The following CEP112 variants were observed in gnomAD, a reference collection of about 807,000 sequenced individuals.
CEP112 encodes the protein centrosomal protein of 112 kDa.
CEP112 carries 127 observed loss-of-function variants against 153.0 expected under a neutral mutation model. The ratio of observed to expected loss-of-function variants is 0.83; its 90% CI spans 0.72 to 0.96. The LOEUF (loss-of-function observed/expected upper bound fraction) is 0.96, where lower values mean the gene tolerates loss of function less well. Among genes scored for constraint, CEP112 ranks in the 40% least tolerant of loss-of-function variants. The pLI is 0.00. For synonymous variants in CEP112, 358 were observed against 374.4 expected, an observed-to-expected ratio of 0.96 and a Z score of 0.51; for missense variants, 1,089 against 1,101.2, an observed-to-expected ratio of 0.99 and a Z score of 0.16.
chr17:65,982,028 A>G (rs1463989405), intron 17 of CEP112, among the ~76,000 whole-genome samples: 1 of 152,020 alleles, frequency 6.6e-6, no homozygotes, highest in Non-Finnish European at 1.5e-5. Context: ...GTATAAGATA[A>G]TGGTGTTTTT....
chr17:65,777,929 T>A (rs1032426765), intron 21 of CEP112, among the ~76,000 whole-genome samples: 1 of 152,184 alleles, frequency 6.6e-6, no homozygotes, highest in African/African-American at 2.4e-5. Flanking sequence ...CTTCAGTTCA[T>A]TGGTCCATCA....
chr17:66,149,367 T>C (rs1269042484), intron 4 of CEP112, among the ~76,000 whole-genome samples: 1 of 152,230 alleles, frequency 6.6e-6, no homozygotes, highest in Non-Finnish European at 1.5e-5. Flanking sequence ...TTTAGAAGTG[T>C]TTCCTCTTCA....
At chr17:66,078,414 C>T (rs535735755) in intron 8 of CEP112, among the ~76,000 whole-genome samples, 56 of 151,824 alleles carry the variant, frequency 3.7e-4, no homozygotes, top group Admixed American at 1.2e-3. Context: ...TGCGCCACCA[C>T]GCCCGGCTAA....
chr17:65,746,987 T>C (rs913039699), intron 22 of CEP112, among the ~76,000 whole-genome samples: 3 of 151,774 alleles, frequency 2.0e-5, no homozygotes, highest in Non-Finnish European at 4.4e-5. Context: ...GGTGTAAGCA[T>C]CCGAACTCAT....
Position 65,776,407 on chromosome 17 carries a change from TGTATTTTTA to T in CEP112, c.2395-25692_2395-25684del, listed in dbSNP as rs1255542625. On this transcript the variant is annotated intron_variant, in intron 21 of 26. Coordinates refer to ENST00000535342, the MANE Select transcript of CEP112 (RefSeq NM_001199165.4). ...CTGCCACCACGCTCAGCTAATTTTT[TGTATTTTTA>T]GTAGAGATGGATGTTAGCCCGGATG... Among the ~76,000 whole-genome samples the T allele has an allele frequency of 1.2e-4, 18 of 152,314 alleles. No individual in the cohort carries two copies. In the East Asian group the frequency reaches 3.5e-3, roughly 29 times the overall value.
At chr17:65,979,831 CCCAATA>C (rs1345073075) in intron 17 of CEP112, among the ~76,000 whole-genome samples, 1 of 151,834 alleles carries the variant, frequency 6.6e-6, no homozygotes, top group Admixed American at 6.6e-5. Flanking sequence ...TGAATGAGTA[CCCAATA>C]TGGGTAAGAT....
intron 21 of CEP112, among the ~76,000 whole-genome samples, chr17:65,812,344 G>A (rs1194663969): frequency 6.6e-6 from 1 of 152,072 alleles, no homozygotes; most frequent in East Asian, 1.9e-4. Flanking sequence ...ACTTTCCCTT[G>A]ATTTTTCATT....
intron 4 of CEP112, among the ~76,000 whole-genome samples, chr17:66,149,813 G>A (rs1339675110): frequency 2.3e-5 from 3 of 132,408 alleles, no homozygotes; most frequent in Non-Finnish European, 4.9e-5. Flanking sequence ...CCTTCCTTCT[G>A]TTAGCTTTAG....
At chr17:66,001,189 G>A (rs997697240) in intron 17 of CEP112, among the ~76,000 whole-genome samples, 1 of 152,162 alleles carries the variant, frequency 6.6e-6, no homozygotes, top group African/African-American at 2.4e-5. Context: ...TGGCAGCAGC[G>A]GTGGCAGCAA....
At chr17:66,056,861 A>G (rs1319468319) in intron 11 of CEP112, among the ~76,000 whole-genome samples, 2 of 152,186 alleles carry the variant, frequency 1.3e-5, no homozygotes, top group Non-Finnish European at 2.9e-5. Context: ...TGAATTGTAT[A>G]CTTTAAGAAG....
intron 24 of CEP112, among the ~76,000 whole-genome samples, chr17:65,664,057 T>A (rs2046551177): frequency 6.6e-6 from 1 of 151,732 alleles, no homozygotes; most frequent in Non-Finnish European, 1.5e-5. Flanking sequence ...AAAAAATAAA[T>A]AAATAAAAAA....
chr17:66,067,906 G>A (rs754776366), intron 9 of CEP112, among the ~76,000 whole-genome samples: 3 of 151,980 alleles, frequency 2.0e-5, no homozygotes, highest in East Asian at 3.9e-4. Context: ...CCCTGGATCC[G>A]CCCACAAGCA....
intron 18 of CEP112, among the ~76,000 whole-genome samples, chr17:65,960,944 G>A (rs2062176088): frequency 6.6e-6 from 1 of 151,842 alleles, no homozygotes; most frequent in African/African-American, 2.4e-5. Flanking sequence ...TCTTTGCGAT[G>A]GGTACCCAGG....
chr17:66,096,726 A>T, intron 6 of CEP112, 94 bp from the exon 7 acceptor site: 1 of 783,090 alleles, frequency 1.3e-6, no homozygotes, highest in Non-Finnish European at 2.1e-6. Context: ...GCCATATGAA[A>T]CATTTTCTAG....
rs2051844997 is a variant in CEP112, at chr17:65,751,482, A to T, written c.2395-758T>A. On this transcript the variant is annotated intron_variant, in intron 21 of 26. Coordinates refer to ENST00000535342, the MANE Select transcript of CEP112 (RefSeq NM_001199165.4). ...TCTTTTCCCCATCAATCATGCGGGC[A>T]CTAAAGAGGCTCTTTCACTCTGAAC... is the stretch of plus-strand genomic sequence containing the variant. 1.3e-5 allele frequency among the ~76,000 whole-genome samples: 2 copies of T among 152,150 alleles called. 1 individual carries two copies. Among genetic ancestry groups the T allele is most frequent in the South Asian group, 4.1e-4 (2 of 4,828 alleles).
At chr17:65,947,628 C>G (rs1349047326) in intron 18 of CEP112, among the ~76,000 whole-genome samples, 1 of 152,054 alleles carries the variant, frequency 6.6e-6, no homozygotes, top group East Asian at 1.9e-4. Context: ...CTTAAAGATA[C>G]AAGTTTTCTT....
At chr17:66,140,654 C>A (rs896278074) in intron 4 of CEP112, among the ~76,000 whole-genome samples, 1 of 151,936 alleles carries the variant, frequency 6.6e-6, no homozygotes, top group Non-Finnish European at 1.5e-5. Flanking sequence ...AGAGAGCAGT[C>A]CCATTTACTG....
intron 21 of CEP112, among the ~76,000 whole-genome samples, chr17:65,804,725 GA>G (rs1338947857): frequency 1.2e-4 from 18 of 152,092 alleles, no homozygotes. Flanking sequence ...GAATTATACT[GA>G]AAAATAAGCA....
intron 17 of CEP112, among the ~76,000 whole-genome samples, chr17:65,965,518 C>CCTTTTTTTTTTT (rs1555734627): frequency 8.2e-6 from 1 of 122,090 alleles, no homozygotes; most frequent in African/African-American, 3.3e-5. Flanking sequence ...CTTCTGCCCC[C>CCTTTTTTTTTTT]TTTTTTTTTT....
Sources: allele counts gnomAD v4.1 joint callset (sites outside exome capture counted in the v4.1 genomes callset), GRCh38; gene constraint gnomAD v4.1.1; transcripts MANE v1.5; gene names NCBI Gene and HGNC (gene_info 2026-07-23, HGNC 2026-07-21).